Variants in PRKAR2B observed in about 807,000 individuals in gnomAD.
PRKAR2B encodes cAMP-dependent protein kinase type II-beta regulatory subunit.
A neutral mutation model predicts 49.9 loss-of-function variants in PRKAR2B; 14 were observed. That is an observed-to-expected ratio of 0.28 (90% CI 0.19 to 0.44). PRKAR2B has a LOEUF of 0.44. Among genes scored for constraint, PRKAR2B ranks in the 20% least tolerant of loss-of-function variants. The pLI is 1.00. For missense variants in PRKAR2B, 393 were observed against 537.9 expected, an observed-to-expected ratio of 0.73 and a Z score of 2.67; for synonymous variants, 196 against 197.7, an observed-to-expected ratio of 0.99 and a Z score of 0.07.
chr7:107,061,919 A>G (rs553529279), intron 1 of PRKAR2B, among the ~76,000 whole-genome samples: 1 of 152,180 alleles, frequency 6.6e-6, no homozygotes, highest in South Asian at 2.1e-4. Context: ...AGACATAAGA[A>G]TGGCCAATAA....
chr7:107,137,831 G>A (rs887022866), intron 4 of PRKAR2B, among the ~76,000 whole-genome samples: 7 of 152,072 alleles, frequency 4.6e-5, no homozygotes, highest in African/African-American at 1.7e-4. Flanking sequence ...ATGTTTTTAA[G>A]AATCCTCCTT....
chr7:107,125,513 G>C (rs1795465802), intron 3 of PRKAR2B, among the ~76,000 whole-genome samples: 1 of 152,206 alleles, frequency 6.6e-6, no homozygotes, highest in Admixed American at 6.5e-5. Flanking sequence ...GATCCAGAGA[G>C]AGATCCCTTA....
chr7:107,108,613 T>C (rs1054910088), intron 2 of PRKAR2B, among the ~76,000 whole-genome samples: 4 of 152,186 alleles, frequency 2.6e-5, no homozygotes, highest in African/African-American at 9.6e-5. Context: ...TGGTCTTAAA[T>C]TGGCATCTGG....
chr7:107,111,954 C>T (rs1795180854), intron 2 of PRKAR2B, among the ~76,000 whole-genome samples: 1 of 144,478 alleles, frequency 6.9e-6, no homozygotes, highest in Non-Finnish European at 1.5e-5. Flanking sequence ...ATTGCTTGAG[C>T]CGAGGAATTC....
At chr7:107,117,233 T>A (rs1018701978) in intron 2 of PRKAR2B, among the ~76,000 whole-genome samples, 2 of 152,060 alleles carry the variant, frequency 1.3e-5, no homozygotes, top group African/African-American at 4.8e-5. Flanking sequence ...AAAGGTAATT[T>A]TTTTTTCCTT....
At chr7:107,158,194 TAGAA>T (rs377329150) in intron 10 of PRKAR2B, among the ~76,000 whole-genome samples, 1 of 111,384 alleles carries the variant, frequency 9.0e-6, no homozygotes, top group African/African-American at 2.9e-5. Context: ...GAAAGTCTAT[TAGAA>T]ATAGTAAAGG....
chr7:107,049,058 ACG>A (rs1443441999), intron 1 of PRKAR2B, among the ~76,000 whole-genome samples: 40 of 152,354 alleles, frequency 2.6e-4, no homozygotes, highest in African/African-American at 8.9e-4. Context: ...TAGAAGGTTT[ACG>A]GTAGGCTATA....
intron 2 of PRKAR2B, among the ~76,000 whole-genome samples, chr7:107,107,196 G>T (rs984559713): frequency 6.6e-6 from 1 of 152,106 alleles, no homozygotes; most frequent in Non-Finnish European, 1.5e-5. Context: ...AATTAGCCAG[G>T]CATGGTGGTG....
intron 2 of PRKAR2B, among the ~76,000 whole-genome samples, chr7:107,115,029 ATATTT>A (rs1254377580): frequency 1.3e-5 from 2 of 152,200 alleles, no homozygotes; most frequent in East Asian, 3.8e-4. Flanking sequence ...AGACAGCAGA[ATATTT>A]TATAGTAGAA....
rs1002186089 is a variant in PRKAR2B at position 107,160,915 on chromosome 7, C to T, written c.*1333C>T. On this transcript the variant is annotated 3_prime_UTR_variant, in exon 11 of 11. Coordinates refer to ENST00000265717, the MANE Select transcript of PRKAR2B (RefSeq NM_002736.3). ...ATATACTCTTACATGATTTCTAGGC[C>T]CCATGACCCAGTGTCTAGAGACATT... The T allele has an allele frequency of 1.3e-4, 20 of 152,008 alleles. No individual in the cohort carries two copies. Among genetic ancestry groups the T allele is most frequent in the Non-Finnish European group, 2.8e-4 (19 of 67,980 alleles). 9.4% of individuals were successfully genotyped at this position (152,008 alleles called of 1,614,324 possible).
intron 2 of PRKAR2B, among the ~76,000 whole-genome samples, chr7:107,091,353 A>T (rs572986291): frequency 6.6e-6 from 1 of 152,362 alleles, no homozygotes; most frequent in South Asian, 2.1e-4. Flanking sequence ...AGTAAGGTAT[A>T]GCTTGTGCTT....
intron 1 of PRKAR2B, among the ~76,000 whole-genome samples, chr7:107,047,377 A>T (rs1340625781): frequency 1.3e-5 from 2 of 152,150 alleles, no homozygotes; most frequent in Non-Finnish European, 2.9e-5. Context: ...GTTTCTTGTA[A>T]AGGGCCGGTT....
At chr7:107,071,511 G>A (rs947523422) in intron 2 of PRKAR2B, among the ~76,000 whole-genome samples, 6 of 152,202 alleles carry the variant, frequency 3.9e-5, no homozygotes, top group Non-Finnish European at 7.3e-5. Flanking sequence ...TTATGTTTAT[G>A]TCAGTAAGGC....
chr7:107,144,310 A>C (rs554599029), intron 5 of PRKAR2B, among the ~76,000 whole-genome samples: 2 of 151,428 alleles, frequency 1.3e-5, no homozygotes, highest in African/African-American at 4.8e-5. Flanking sequence ...CTGGTCTCAA[A>C]CTCCTGACCT....
intron 4 of PRKAR2B, among the ~76,000 whole-genome samples, chr7:107,139,279 A>T (rs903293024): frequency 6.6e-6 from 1 of 152,198 alleles, no homozygotes; most frequent in Non-Finnish European, 1.5e-5. Context: ...GCTTGAGCTG[A>T]CAGGGAGCCA....
At chr7:107,143,016 G>A (rs1795816994) in intron 5 of PRKAR2B, among the ~76,000 whole-genome samples, 1 of 152,208 alleles carries the variant, frequency 6.6e-6, no homozygotes, top group South Asian at 2.1e-4. Flanking sequence ...GCCTGCCTTG[G>A]CTTCCCAAAG....
At chr7:107,045,306 A>C in intron 1 of PRKAR2B, 92 bp downstream of exon 1, 1 of 1,089,582 alleles carries the variant, frequency 9.2e-7, no homozygotes, top group South Asian at 1.7e-5. Context: ...CGCTTTGCGC[A>C]CCCACCTCTC....
chr7:107,062,247 A>G (rs1295029553), intron 1 of PRKAR2B, among the ~76,000 whole-genome samples: 3 of 152,212 alleles, frequency 2.0e-5, no homozygotes, highest in Non-Finnish European at 4.4e-5. Context: ...AAGTTATTGT[A>G]AACAAAATGA....
Position 107,139,018 on chromosome 7 carries a change from A to G in PRKAR2B, c.481-1829A>G, listed in dbSNP as rs1349086683. Reference sequence around the variant, plus strand: ...TTAAAGAAAAAAAAATGACAATCATATTTTTAATTTCCAAGCCACCCATTT... The same window carrying G: ...TTAAAGAAAAAAAAATGACAATCATGTTTTTAATTTCCAAGCCACCCATTT... On this transcript the variant is annotated intron_variant, in intron 4 of 10. Transcript: ENST00000265717. Among the ~76,000 whole-genome samples, 4 of 152,174 alleles carry G rather than the reference A, an allele frequency of 2.6e-5. No homozygotes were observed. The East Asian group carries it at 5.8e-4, about 22-fold the overall frequency.
Sources: allele counts gnomAD v4.1 joint callset (sites outside exome capture counted in the v4.1 genomes callset), GRCh38; gene constraint gnomAD v4.1.1; transcripts MANE v1.5; gene names NCBI Gene and HGNC (gene_info 2026-07-23, HGNC 2026-07-21).